HPS4: variants seen among roughly 807,000 people sequenced by gnomAD.
HPS4 encodes HPS4 biogenesis of lysosomal organelles complex 3 subunit 2.
Under a neutral mutation model 70.3 loss-of-function variants are expected in HPS4, and 44 were observed. That is an observed-to-expected ratio of 0.63 (90% CI 0.49 to 0.80). The LOEUF is 0.80. Among genes scored for constraint, HPS4 ranks in the 30% least tolerant of loss-of-function variants. The pLI is 0.00. For synonymous variants in HPS4, 377 were observed against 355.9 expected (o/e 1.06, Z -0.67); for missense variants, 873 against 884.4 (o/e 0.99, Z 0.16).
chr22:26,448,069 T>C (rs934751769), downstream of HPS4, among the ~76,000 whole-genome samples: 13 of 152,204 alleles, frequency 8.5e-5, no homozygotes, highest in Non-Finnish European at 1.6e-4. Context: ...CGAGCTGGAA[T>C]TGGAAGCCGA....
chr22:26,475,199 G>C (rs1469946332), intron 4 of HPS4, among the ~76,000 whole-genome samples: 4 of 152,120 alleles, frequency 2.6e-5, no homozygotes, highest in African/African-American at 9.7e-5. Context: ...AAGAAGAACA[G>C]ATTGTGATAT....
intron 11 of HPS4, among the ~76,000 whole-genome samples, chr22:26,459,162 C>A (rs559979347): frequency 2.0e-5 from 3 of 152,202 alleles, no homozygotes; most frequent in Non-Finnish European, 4.4e-5. Flanking sequence ...GGATGTAACA[C>A]GGTAACTTCT....
At chr22:26,461,462 GC>G (rs753528810) in intron 11 of HPS4, among the ~76,000 whole-genome samples, 2 of 151,966 alleles carry the variant, frequency 1.3e-5, no homozygotes, top group Admixed American at 6.6e-5. Flanking sequence ...AACCCTCCTG[GC>G]TGCTCCACCC....
At chr22:26,461,649 G>C (rs5761539) in intron 11 of HPS4, among the ~76,000 whole-genome samples, 124,872 of 152,198 alleles carry the variant, frequency 0.82, 51,950 homozygotes, top group Non-Finnish European at 0.89. Flanking sequence ...GGGGGTATTT[G>C]GTTTTTCTAG....
upstream of HPS4, chr22:26,483,858 G>C (rs2091595342): frequency 7.5e-7 from 1 of 1,327,184 alleles, no homozygotes; most frequent in Non-Finnish European, 9.6e-7. Context: ...ATGACGTGCC[G>C]AGTGCGCCGC....
Position 26,451,639 on chromosome 22 carries a change from C to G in HPS4, c.*1594G>C, listed in dbSNP as rs886057296. 1 of 152,206 alleles carries G rather than the reference C, an allele frequency of 6.6e-6. No individual in the cohort carries two copies. The highest frequency in any genetic ancestry group is 1.9e-4 in the East Asian group (1 of 5,200). The allele number at this position is 152,206 out of a possible 1,614,324, so 9.4% of individuals were successfully genotyped here. On this transcript the variant is annotated 3_prime_UTR_variant, in exon 14 of 14. Transcript: ENST00000398145. ...GTCTTCGCTGGCCTGGTACTGGGGA[C>G]CACTGGTCAAAGACAACGTGAGACA...
At position 26,445,877 on chromosome 22, in the gene HPS4, T is replaced by C. The variant is rs899147812; in HGVS notation, n.519-1183A>G. Among the ~76,000 whole-genome samples the C allele has an allele frequency of 5.9e-5, 9 of 152,292 alleles. No homozygotes were observed. In the East Asian group the frequency reaches 1.7e-3, roughly 29 times the overall value. On this transcript the variant is annotated intron_variant and non_coding_transcript_variant, in intron 3 of 3. Coordinates refer to the HPS4 transcript ENST00000493455. The stretch of plus-strand genomic sequence containing the variant: ...ACATGTCCCTCAGTAGCTGTGTTTT[T>C]CATGTTTTTCCCTTTAGAAGAGAGG...
rs187299338 is a variant in HPS4, at chr22:26,457,832, G to A, written c.1955+27C>T. 4.6e-4 allele frequency: 720 copies of A among 1,566,604 alleles called. 2 individuals carry two copies. The African/African-American group carries it at 7.3e-3, about 16-fold the overall frequency. On this transcript the variant is annotated intron_variant, in intron 13 of 13. Coordinates refer to ENST00000398145, the MANE Select transcript of HPS4 (RefSeq NM_022081.6). ...CCATGAGCAGGACCGTGGAGAGTAGGTTGGGGAGCGACTCAGGGAGGCTCA... is the reference window on the plus strand; with the variant it reads ...CCATGAGCAGGACCGTGGAGAGTAGATTGGGGAGCGACTCAGGGAGGCTCA...
At chr22:26,466,998 T>A (rs867510858) in intron 8 of HPS4, 1 of 152,250 alleles carries the variant, frequency 6.6e-6, no homozygotes, top group Non-Finnish European at 1.5e-5. Context: ...AAAAAAAAAA[T>A]CACATACAAT....
intron 7 of HPS4, among the ~76,000 whole-genome samples, chr22:26,469,780 T>C (rs1158239447): frequency 1.3e-5 from 2 of 152,032 alleles, no homozygotes; most frequent in African/African-American, 4.8e-5. Flanking sequence ...TTGGTGGGTA[T>C]GTCACTGACG....
In HPS4 at chr22:26,457,918, G is replaced by T. The variant is rs370795890; in HGVS notation, c.1896C>A (p.Ala632=). ...CAAATTCGCTATGCATCAGGCTGAC[G>T]GCCTGGAGGAAGCGGCGATCCTGCG... is the stretch of plus-strand genomic sequence containing the variant. ...ATPQDRRFLQ[A]VSLMHSEFAQ... is the part of the protein sequence containing the mutation. The change falls in exon 13 of 14, where the codon GCC becomes GCA. Residue 632 remains alanine, a synonymous_variant. Coordinates refer to ENST00000398145, the MANE Select transcript of HPS4 (RefSeq NM_022081.6). 3.1e-6 allele frequency: 5 copies of T among 1,614,158 alleles called. No individual in the cohort carries two copies. Among genetic ancestry groups the T allele is most frequent in the South Asian group, 2.2e-5 (2 of 91,082 alleles).
At chr22:26,479,135 A>C in intron 3 of HPS4, 130 bp downstream of exon 3, 1 of 885,128 alleles carries the variant, frequency 1.1e-6, no homozygotes, top group Non-Finnish European at 1.8e-6. Context: ...AGTACAACTA[A>C]GAATAAGACA....
chr22:26,480,635 G>C (rs1039222517), intron 2 of HPS4, among the ~76,000 whole-genome samples: 1 of 152,102 alleles, frequency 6.6e-6, no homozygotes, highest in Non-Finnish European at 1.5e-5. Flanking sequence ...GCACCAACTT[G>C]GCTGGGCACA....
chr22:26,479,617 C>A (rs374236463), intron 2 of HPS4: 8 of 1,325,796 alleles, frequency 6.0e-6, no homozygotes, highest in Non-Finnish European at 7.7e-6. Flanking sequence ...GAAAAAAAAA[C>A]GAGGCGCCCA....
At chr22:26,443,368 T>C, downstream of HPS4, 1 of 604,844 alleles carries the variant, frequency 1.7e-6, no homozygotes, top group South Asian at 2.0e-5. Context: ...CTCTTTCCCT[T>C]GGTTATTGTA....
At chr22:26,483,829 G>C (rs886057325), upstream of HPS4, 7 of 1,277,848 alleles carry the variant, frequency 5.5e-6, no homozygotes, top group Non-Finnish European at 7.0e-6. Flanking sequence ...TCCAGCTCCT[G>C]GCAAGCCGGC....
downstream of HPS4, among the ~76,000 whole-genome samples, chr22:26,448,505 C>T (rs1451488370): frequency 6.6e-6 from 1 of 152,222 alleles, no homozygotes; most frequent in East Asian, 1.9e-4. Context: ...GGACTTGTCT[C>T]CCTCTCCTCC....
intron 4 of HPS4, among the ~76,000 whole-genome samples, chr22:26,474,119 TC>T (rs2090205610): frequency 6.6e-6 from 1 of 152,298 alleles, no homozygotes; most frequent in Admixed American, 6.5e-5. Flanking sequence ...ACCTGAAATA[TC>T]CAAAGCTATC....
At chr22:26,465,420 G>A in intron 10 of HPS4, 35 bp downstream of exon 10, 1 of 1,450,880 alleles carries the variant, frequency 6.9e-7, no homozygotes, top group Non-Finnish European at 9.7e-7. Flanking sequence ...TCCCTCAGGT[G>A]TGGTGCAAGG....
Sources: allele counts gnomAD v4.1 joint callset (sites outside exome capture counted in the v4.1 genomes callset), GRCh38; gene constraint gnomAD v4.1.1; transcripts MANE v1.5; gene names NCBI Gene and HGNC (gene_info 2026-07-23, HGNC 2026-07-21).